Variants in REV3L observed in about 807,000 individuals in gnomAD.
The protein encoded by REV3L is REV3 like, DNA directed polymerase zeta catalytic subunit, also known as DNA polymerase zeta catalytic subunit.
A neutral mutation model predicts 299.4 loss-of-function variants in REV3L; 69 were observed. The observed-to-expected ratio is 0.23, with a 90% CI of 0.19 to 0.28. The LOEUF is 0.28. Ranked by LOEUF, REV3L falls within the 10% of genes least tolerant of loss-of-function variation. The pLI is 1.00. For missense variants in REV3L, 3,128 were observed against 3,693.8 expected, an observed-to-expected ratio of 0.85 and a Z score of 3.97; for synonymous variants, 1,238 against 1,271.4, an observed-to-expected ratio of 0.97 and a Z score of 0.56.
rs1478893063 is a variant in REV3L at position 111,450,959 on chromosome 6, C to T, written c.139+31791G>A. ...CTCACAACAGAAAGAACCAGAGAAG[C>T]TATTTGTTTATGAAACTTATCCCAC... is the stretch of plus-strand genomic sequence containing the variant. On this transcript the variant is annotated intron_variant, in intron 1 of 31. Transcript: ENST00000368802. Among the ~76,000 whole-genome samples the T allele has an allele frequency of 4.3e-4, 66 of 152,138 alleles. 1 individual carries two copies. Among genetic ancestry groups the T allele is most frequent in the Admixed American group, 4.3e-3 (65 of 15,282 alleles).
intron 15 of REV3L, among the ~76,000 whole-genome samples, chr6:111,364,646 T>C (rs1779027742): frequency 6.6e-6 from 1 of 151,888 alleles, no homozygotes; most frequent in African/African-American, 2.4e-5. Context: ...ATATATTTTA[T>C]GTAGTTAATG....
At chr6:111,444,969 G>A (rs1181492271) in intron 1 of REV3L, among the ~76,000 whole-genome samples, 1 of 152,164 alleles carries the variant, frequency 6.6e-6, no homozygotes, top group Non-Finnish European at 1.5e-5. Flanking sequence ...TTTATGGAAG[G>A]CAATGATTAA....
chr6:111,463,260 G>A (rs901160696), intron 1 of REV3L, among the ~76,000 whole-genome samples: 1 of 152,132 alleles, frequency 6.6e-6, no homozygotes, highest in Non-Finnish European at 1.5e-5. Context: ...AATGGTGCTC[G>A]GTTATACAAC....
At chr6:111,303,900 T>C (rs1176038767) in intron 31 of REV3L, among the ~76,000 whole-genome samples, 2 of 151,648 alleles carry the variant, frequency 1.3e-5, no homozygotes, top group Non-Finnish European at 2.9e-5. Flanking sequence ...TTTGTATTTT[T>C]TAGTAGAGCT....
intron 1 of REV3L, among the ~76,000 whole-genome samples, chr6:111,423,885 G>A: frequency 6.6e-6 from 1 of 152,144 alleles, no homozygotes; most frequent in South Asian, 2.1e-4. Flanking sequence ...TGTAAAAGAG[G>A]GGCGGGTTGA....
chr6:111,427,410 T>G (rs956296942), intron 1 of REV3L, among the ~76,000 whole-genome samples: 3 of 152,124 alleles, frequency 2.0e-5, no homozygotes, highest in African/African-American at 7.2e-5. Flanking sequence ...AATTTTAAAA[T>G]GGACAGAGAC....
In REV3L at chr6:111,372,892, T is replaced by C. The variant is rs1779944583; in HGVS notation, c.5463A>G (p.Ile1821Met). 6.2e-7 allele frequency: 1 copy of C among 1,613,824 alleles called. No individual in the cohort carries two copies. The highest frequency in any genetic ancestry group is 8.5e-7 in the Non-Finnish European group (1 of 1,179,954). ...CAAGTTCACCATCAGGGGAGGAGAG[T>C]ATTGCAGTAAAAGAGGTATTGGCTG... ...LDSANTSFTA[I>M]LSSPDGELVD... Residue 1821 changes from isoleucine to methionine, a missense_variant, in exon 13 of 32, where the codon ATA becomes ATG. Ile to Met is a conservative substitution (Grantham distance 10). Coordinates refer to ENST00000368802, the MANE Select transcript of REV3L (RefSeq NM_001372078.1).
In REV3L at chr6:111,374,632, A is replaced by G; in HGVS notation, c.3723T>C (p.Phe1241=). Residue 1241 remains phenylalanine (F), a synonymous_variant, in exon 13 of 32, where the codon TTT becomes TTC. Coordinates refer to ENST00000368802, the MANE Select transcript of REV3L (RefSeq NM_001372078.1). ...IKSQSGAEVK[F]VLKHQNVSEF... ...CAGACACATTCTGGTGTTTCAGTAC[A>G]AACTTAACCTCAGCACCAGACTGAG... 6.2e-7 allele frequency: 1 copy of G among 1,613,658 alleles called. No homozygotes were observed.
At position 111,351,708 on chromosome 6, in the gene REV3L, A is replaced by G. The variant is rs1582640296; in HGVS notation, c.7268T>C (p.Ile2423Thr). The G allele has an allele frequency of 6.2e-7, 1 of 1,613,776 alleles. No individual in the cohort carries two copies. The highest frequency in any genetic ancestry group is 8.5e-7 in the Non-Finnish European group (1 of 1,179,774). The change falls in exon 19 of 32, where the codon ATT becomes ACT. Residue 2423 changes from isoleucine (I) to threonine (T), a missense_variant. Ile to Thr is a moderately conservative substitution (Grantham distance 89, BLOSUM62 -1). Transcript: ENST00000368802. ...YLLQRAAALS[I>T]DLCRMISRVP... is the part of the protein sequence containing the mutation. Reference sequence around the variant, plus strand: ...CCGAGAGATCATCCGACATAAGTCAATACTTAAAGCGGCAGCCCTTTGTAA... The same window carrying G: ...CCGAGAGATCATCCGACATAAGTCAGTACTTAAAGCGGCAGCCCTTTGTAA...
intron 1 of REV3L, among the ~76,000 whole-genome samples, chr6:111,447,539 T>TA (rs1241413788): frequency 3.3e-5 from 5 of 152,172 alleles, no homozygotes; most frequent in Non-Finnish European, 7.4e-5. Flanking sequence ...CTTTTCACAT[T>TA]AAAAAAATTC....
chr6:111,475,065 G>A (rs556238165), intron 1 of REV3L, among the ~76,000 whole-genome samples: 42 of 150,836 alleles, frequency 2.8e-4, no homozygotes, highest in Non-Finnish European at 5.3e-4. Flanking sequence ...CTAATACATA[G>A]GCATATATAG....
At chr6:111,460,566 T>G (rs1236537627) in intron 1 of REV3L, among the ~76,000 whole-genome samples, 1 of 151,958 alleles carries the variant, frequency 6.6e-6, no homozygotes, top group Non-Finnish European at 1.5e-5. Flanking sequence ...AAAAATAAAG[T>G]CTTTTTGAGA....
intron 21 of REV3L, among the ~76,000 whole-genome samples, chr6:111,337,131 AG>A (rs1775982421): frequency 6.6e-6 from 1 of 152,156 alleles, no homozygotes. Flanking sequence ...AGTGGTGGCT[AG>A]GTGATGCAGG....
chr6:111,481,539 T>C (rs75317579), intron 1 of REV3L, among the ~76,000 whole-genome samples: 2,288 of 152,302 alleles, frequency 0.015, 23 homozygotes, highest in Non-Finnish European at 0.023. Flanking sequence ...GATAACTGCT[T>C]TAAAATGAGT....
At chr6:111,305,410 G>T (rs542117835) in intron 31 of REV3L, among the ~76,000 whole-genome samples, 1 of 151,964 alleles carries the variant, frequency 6.6e-6, no homozygotes, top group African/African-American at 2.4e-5. Context: ...GGGCAACATA[G>T]TGAGACCCGA....
At chr6:111,342,100 G>A (rs1476245051) in intron 21 of REV3L, among the ~76,000 whole-genome samples, 1 of 152,190 alleles carries the variant, frequency 6.6e-6, no homozygotes, top group African/African-American at 2.4e-5. Flanking sequence ...TCAAGTTGGA[G>A]GAGCTTAGGA....
intron 31 of REV3L, among the ~76,000 whole-genome samples, chr6:111,306,927 A>C (rs1343243752): frequency 6.6e-6 from 1 of 152,224 alleles, no homozygotes; most frequent in Non-Finnish European, 1.5e-5. Flanking sequence ...AGATTTTGGA[A>C]TAAGTGCATT....
chr6:111,341,225 T>C (rs1327368055), intron 21 of REV3L, among the ~76,000 whole-genome samples: 1 of 152,078 alleles, frequency 6.6e-6, no homozygotes, highest in Non-Finnish European at 1.5e-5. Flanking sequence ...TTTTTGTATT[T>C]TTAATAGAGA....
chr6:111,396,356 A>ATT (rs879300983), intron 4 of REV3L, among the ~76,000 whole-genome samples: 14 of 137,432 alleles, frequency 1.0e-4, no homozygotes, highest in African/African-American at 3.5e-4. Flanking sequence ...ATCATGGTGT[A>ATT]TTTTTTTTTT....
Sources: gnomAD v4.1 joint callset for allele counts (sites outside exome capture counted in the v4.1 genomes callset) on GRCh38, gnomAD v4.1.1 for gene constraint, MANE v1.5 for transcripts, NCBI Gene and HGNC (gene_info 2026-07-23, HGNC 2026-07-21) for gene names.